The following LTBP2 variants were observed in gnomAD, a reference collection of about 807,000 sequenced individuals.
LTBP2 encodes the protein latent transforming growth factor beta binding protein 2, also known as latent-transforming growth factor beta-binding protein 2.
A neutral mutation model predicts 210.6 loss-of-function variants in LTBP2; 103 were observed. That is an observed-to-expected ratio of 0.49 (90% CI 0.42 to 0.58). The LOEUF (loss-of-function observed/expected upper bound fraction) is 0.58. Among genes scored for constraint, LTBP2 ranks in the 20% least tolerant of loss-of-function variants. The pLI, the probability that LTBP2 is intolerant of heterozygous loss-of-function variation, is 0.00. For synonymous variants in LTBP2, 1,007 were observed against 1,015.0 expected (o/e 0.99, Z 0.15); for missense variants, 2,313 against 2,494.5 (o/e 0.93, Z 1.55).
At chr14:74,582,796 C>A (rs997773488) in intron 3 of LTBP2, among the ~76,000 whole-genome samples, 21 of 152,222 alleles carry the variant, frequency 1.4e-4, no homozygotes, top group African/African-American at 4.1e-4. Context: ...CCTGCCGAAT[C>A]AGAACCTGCA....
intron 3 of LTBP2, among the ~76,000 whole-genome samples, chr14:74,561,274 C>T (rs958628416): frequency 2.0e-5 from 3 of 151,994 alleles, no homozygotes; most frequent in Admixed American, 6.6e-5. Context: ...GCCGAGATCA[C>T]GCCATTGCAT....
In LTBP2 at chr14:74,528,268, G is replaced by A. The variant is rs376569519; in HGVS notation, c.2368+215C>T. 2.9e-4 allele frequency among the ~76,000 whole-genome samples: 44 copies of A among 152,296 alleles called. 1 individual carries two copies. In the East Asian group the frequency reaches 3.9e-3, roughly 13 times the overall value. ...ACCTCCACAAGCAACTCCCTGGGGC[G>A]TGGGCACCTCTTGACCCCATATGGA... On this transcript the variant is annotated intron_variant, in intron 12 of 35. Coordinates refer to ENST00000261978, the MANE Select transcript of LTBP2 (RefSeq NM_000428.3).
intron 13 of LTBP2, 37 bp downstream of exon 13, chr14:74,527,310 A>T (rs934611172): frequency 1.9e-6 from 3 of 1,607,466 alleles, no homozygotes; most frequent in Non-Finnish European, 2.5e-6. Context: ...GCTCTCTGCC[A>T]TGCTTGCCCG....
Position 74,511,348 on chromosome 14 carries a change from A to G in LTBP2, c.2925T>C (p.Arg975=). 1 of 1,614,104 alleles carries G rather than the reference A, an allele frequency of 6.2e-7. No individual in the cohort carries two copies. The highest frequency in any genetic ancestry group is 8.5e-7 in the Non-Finnish European group (1 of 1,180,020). ...TCCCATCAGGGCAGGTACCGGGGTG[A>G]CGGCATTCGTTGATATCTGCAAAAC... ...KGHCQDINEC[R]HPGTCPDGRC... Residue 975 remains arginine, a synonymous_variant, in exon 19 of 36, where the codon CGT becomes CGC. Transcript: ENST00000261978.
intron 3 of LTBP2, among the ~76,000 whole-genome samples, chr14:74,579,554 G>A (rs2088108543): frequency 6.6e-6 from 1 of 152,334 alleles, no homozygotes; most frequent in East Asian, 1.9e-4. Context: ...GGCAAGGCAG[G>A]GTTCTGCTCT....
At position 74,501,454 on chromosome 14, in the gene LTBP2, G is replaced by A. The variant is rs1001677999; in HGVS notation, c.5307C>T (p.His1769=). Residue 1769 remains histidine (H), a synonymous_variant, in exon 35 of 36, where the codon CAC becomes CAT. Transcript: ENST00000261978. The part of the protein sequence containing the change: ...CFEGFQLDAA[H]MACVDVNECD... The stretch of plus-strand genomic sequence containing the variant: ...TTCTGCACTTACCTACGCAGGCCAT[G>A]TGGGCCGCATCCAGCTGGAAGCCCT... 6.2e-7 allele frequency: 1 copy of A among 1,614,160 alleles called. No homozygotes were observed. The highest frequency in any genetic ancestry group is 2.2e-5 in the East Asian group (1 of 44,878).
Position 74,506,876 on chromosome 14 carries a change from T to C in LTBP2, c.3908-53A>G, listed in dbSNP as rs45537036. 347,019 of 1,332,168 alleles carry C rather than the reference T, an allele frequency of 0.26. 33,779 individuals are homozygous for C. The highest frequency in any genetic ancestry group is 0.37 in the Admixed American group (19,186 of 51,614). 82.5% of individuals were successfully genotyped at this position (1,332,168 alleles called of 1,614,324 possible). On this transcript the variant is annotated intron_variant, in intron 26 of 35. Transcript: ENST00000261978. ...GGATGTGTGTGTGTGTGTGTGTGTGTGTGCGCGCGCGCGTGTGTGCTCACT... is the reference window on the plus strand; with the variant it reads ...GGATGTGTGTGTGTGTGTGTGTGTGCGTGCGCGCGCGCGTGTGTGCTCACT...
At chr14:74,562,655 A>G (rs2087810254) in intron 3 of LTBP2, among the ~76,000 whole-genome samples, 1 of 152,246 alleles carries the variant, frequency 6.6e-6, no homozygotes, top group African/African-American at 2.4e-5. Flanking sequence ...TTGAACCCAG[A>G]AAAATATGCT....
At chr14:74,555,725 AC>A in intron 3 of LTBP2, 32 bp from the exon 4 acceptor site, 1 of 1,463,054 alleles carries the variant, frequency 6.8e-7, no homozygotes, top group Non-Finnish European at 9.1e-7. Flanking sequence ...GGGGGTTTGC[AC>A]CCTGGGAACA....
chr14:74,546,380 C>T (rs960152038), intron 8 of LTBP2, among the ~76,000 whole-genome samples: 17 of 152,202 alleles, frequency 1.1e-4, no homozygotes, highest in Admixed American at 2.6e-4. Flanking sequence ...AATGTGCCCA[C>T]CCCAGCCCCA....
chr14:74,509,943 G>A, intron 20 of LTBP2, 84 bp from the exon 21 acceptor site: 1 of 1,611,088 alleles, frequency 6.2e-7, no homozygotes, highest in Non-Finnish European at 8.5e-7. Flanking sequence ...GTGGGGGAAG[G>A]ACAGGTCTGG....
chr14:74,515,546 C>T (rs957102310), intron 18 of LTBP2, among the ~76,000 whole-genome samples: 9 of 152,132 alleles, frequency 5.9e-5, no homozygotes, highest in African/African-American at 1.9e-4. Context: ...TGTGAGCCAC[C>T]GCGCCCAGCC....
chr14:74,568,373 C>T (rs1307511175), intron 3 of LTBP2, among the ~76,000 whole-genome samples: 1 of 152,112 alleles, frequency 6.6e-6, no homozygotes, highest in African/African-American at 2.4e-5. Context: ...CAGCATGTTC[C>T]AGCGCGGCCG....
intron 8 of LTBP2, among the ~76,000 whole-genome samples, chr14:74,536,775 G>C (rs913981879): frequency 1.3e-5 from 2 of 152,218 alleles, no homozygotes; most frequent in South Asian, 2.1e-4. Flanking sequence ...GAACCCAGGA[G>C]GGGGAGGTCG....
intron 1 of LTBP2, among the ~76,000 whole-genome samples, chr14:74,604,437 G>A (rs901295074): frequency 3.9e-5 from 6 of 152,198 alleles, no homozygotes; most frequent in African/African-American, 9.7e-5. Context: ...AGGAGGATGG[G>A]GCTGGGGATG....
chr14:74,504,179 A>C, intron 30 of LTBP2, 125 bp from the exon 31 acceptor site: 1 of 1,167,424 alleles, frequency 8.6e-7, no homozygotes, highest in Non-Finnish European at 1.2e-6. Context: ...GGCTTTGGGC[A>C]AGTTGCTTAA....
In LTBP2 at chr14:74,526,682, G is replaced by A. The variant is rs1459764448; in HGVS notation, c.2389-568C>T. On this transcript the variant is annotated intron_variant, in intron 13 of 35. Coordinates refer to ENST00000261978, the MANE Select transcript of LTBP2 (RefSeq NM_000428.3). ...TGGGGGGACATCATATGGTGGCCCA[G>A]GGACAGAACAAGGCACCCGGAAGAA... 2.6e-5 allele frequency among the ~76,000 whole-genome samples: 4 copies of A among 152,328 alleles called. No homozygotes were observed. In the East Asian group the frequency reaches 7.7e-4, roughly 29 times the overall value.
chr14:74,504,429 G>T (rs936357362), intron 30 of LTBP2, among the ~76,000 whole-genome samples: 2 of 152,210 alleles, frequency 1.3e-5, no homozygotes, highest in Non-Finnish European at 2.9e-5. Flanking sequence ...TCATCAGTGC[G>T]GCCAGGGAGA....
rs139138043 is a variant in LTBP2 at position 74,506,153 on chromosome 14, C to T, written c.4072G>A (p.Ala1358Thr). 1 of 1,614,086 alleles carries T rather than the reference C, an allele frequency of 6.2e-7. No homozygotes were observed. The highest frequency in any genetic ancestry group is 8.5e-7 in the Non-Finnish European group (1 of 1,180,046). ...ECELMLAVCG[A>T]ALCENVEGSF... The stretch of plus-strand genomic sequence containing the variant: ...CCCTCCACGTTCTCACAGAGCGCGG[C>T]CCCACATACCGCCAGCATAAGCTCA... Residue 1358 changes from alanine to threonine, a missense_variant, in exon 28 of 36, where the codon GCC becomes ACC. This residue lies in a region of LTBP2 where 1,867 missense variants were observed against 1,976.9 expected (regional missense o/e 0.94). Coordinates refer to ENST00000261978, the MANE Select transcript of LTBP2 (RefSeq NM_000428.3).
Sources: gnomAD v4.1 joint callset for allele counts (sites outside exome capture counted in the v4.1 genomes callset) on GRCh38, gnomAD v4.1.1 for gene constraint, gnomAD v4.1.1 regional missense constraint, MANE v1.5 for transcripts, NCBI Gene and HGNC (gene_info 2026-07-23, HGNC 2026-07-21) for gene names.